The following TMEM230 variants were observed in gnomAD, a reference collection of about 807,000 sequenced individuals.
TMEM230 encodes the protein transmembrane protein 230.
TMEM230 carries 10 observed loss-of-function variants against 15.8 expected under a neutral mutation model. That is an observed-to-expected ratio of 0.63 (90% CI 0.39 to 1.07). The LOEUF is 1.07. Ranked by LOEUF, TMEM230 falls within the 50% of genes least tolerant of loss-of-function variation. The probability of loss-of-function intolerance (pLI) is 0.01; values close to 1 mark genes in which losing one functional copy is unlikely to be tolerated. For synonymous variants in TMEM230, 67 were observed against 76.9 expected (o/e 0.87, Z 0.68); for missense variants, 165 against 193.3 (o/e 0.85, Z 0.87).
At position 5,100,450 on chromosome 20, in the gene TMEM230, C is replaced by T. The variant is rs2089809028; in HGVS notation, c.*341G>A. 2.0e-6 allele frequency: 2 copies of T among 1,024,574 alleles called. No individual in the cohort carries two copies. Among genetic ancestry groups the T allele is most frequent in the Non-Finnish European group, 2.3e-6 (2 of 853,678 alleles). 63.5% of individuals were successfully genotyped at this position (1,024,574 alleles called of 1,614,324 possible). On this transcript the variant is annotated 3_prime_UTR_variant, in exon 5 of 5. Coordinates refer to ENST00000342308, the MANE Select transcript of TMEM230 (RefSeq NM_001009923.2). ...CCATACCACATTGTTCCATTTGCTA[C>T]AAGAACAAATTGGCAATGAAGACTA...
rs1363205993 is a variant in TMEM230 at position 5,113,022 on chromosome 20, G to A, written c.7C>T (p.Pro3Ser). 1.9e-6 allele frequency: 3 copies of A among 1,548,444 alleles called. No individual in the cohort carries two copies. Among genetic ancestry groups the A allele is most frequent in the East Asian group, 2.4e-5 (1 of 40,972 alleles). The change falls in exon 1 of 5, where the codon CCT (proline) becomes TCT (serine). Residue 3 changes from proline (P) to serine (S), a missense_variant. Coordinates refer to ENST00000342308, the MANE Select transcript of TMEM230 (RefSeq NM_001009923.2). ...TCGCCCACGGTTGGCAGCGCCCAAG[G>A]TTGCATGGCATGGCCCGCTTAAGTG...
intron 3 of TMEM230, among the ~76,000 whole-genome samples, chr20:5,090,247 C>G (rs1272320931): frequency 6.6e-6 from 1 of 152,140 alleles, no homozygotes; most frequent in African/African-American, 2.4e-5. Flanking sequence ...ACATGAGTTT[C>G]CAGACTGAAA....
intron 3 of TMEM230, among the ~76,000 whole-genome samples, chr20:5,083,905 T>C (rs1406358914): frequency 6.6e-6 from 1 of 152,246 alleles, no homozygotes; most frequent in Non-Finnish European, 1.5e-5. Context: ...GTTTGTTACG[T>C]GGGTAAATTA....
intron 3 of TMEM230, among the ~76,000 whole-genome samples, chr20:5,090,504 G>C (rs1374597841): frequency 6.6e-6 from 1 of 152,200 alleles, no homozygotes; most frequent in Non-Finnish European, 1.5e-5. Context: ...TTTATGGAGA[G>C]AGTTCTTTCA....
At chr20:5,082,208 T>C (rs1372651053) in intron 3 of TMEM230, among the ~76,000 whole-genome samples, 1 of 143,540 alleles carries the variant, frequency 7.0e-6, no homozygotes, top group East Asian at 2.3e-4. Flanking sequence ...AAGAAGAAAA[T>C]GGGAAAGCCT....
intron 1 of TMEM230, chr20:5,111,712 A>G (rs1420417360): frequency 1.2e-6 from 1 of 861,714 alleles, no homozygotes; most frequent in Non-Finnish European, 1.4e-6. Flanking sequence ...CTGGGATGGC[A>G]TTTTTAAAAT....
chr20:5,087,677 T>C (rs1219841117), intron 3 of TMEM230, among the ~76,000 whole-genome samples: 1 of 141,876 alleles, frequency 7.0e-6, no homozygotes, highest in African/African-American at 2.6e-5. Context: ...ATCTGGTAAA[T>C]AGGCCAAAGA....
intron 3 of TMEM230, among the ~76,000 whole-genome samples, chr20:5,090,010 C>T (rs1270247823): frequency 6.6e-6 from 1 of 150,902 alleles, no homozygotes; most frequent in Non-Finnish European, 1.5e-5. Context: ...AAGACTCCAT[C>T]TCAAAAAAGA....
downstream of TMEM230, among the ~76,000 whole-genome samples, chr20:5,097,096 C>A (rs539050035): frequency 4.7e-4 from 72 of 152,278 alleles, no homozygotes; most frequent in South Asian, 5.2e-3. Flanking sequence ...ACGAAAAGAA[C>A]TTGGGGATAG....
In TMEM230 at chr20:5,106,183, C is replaced by T. The variant is rs1285204106; in HGVS notation, c.411+5G>A. The T allele has an allele frequency of 6.2e-7, 1 of 1,605,266 alleles. No homozygotes were observed. The highest frequency in any genetic ancestry group is 1.7e-5 in the Admixed American group (1 of 57,370). On this transcript the variant is annotated splice_donor_5th_base_variant and intron_variant, in intron 4 of 4. Coordinates refer to ENST00000342308, the MANE Select transcript of TMEM230 (RefSeq NM_001009923.2). ...CAACTTATTCCCACATGCCCGTCAG[C>T]TTACCCCTTTGCTGATGTAGCCTGA...
intron 3 of TMEM230, among the ~76,000 whole-genome samples, chr20:5,072,516 GC>G (rs111487142): frequency 0.023 from 3,429 of 151,676 alleles, 126 homozygotes; most frequent in African/African-American, 0.078. Flanking sequence ...TTCCTTTTTG[GC>G]CGTGAGACTA....
chr20:5,106,068 G>A, intron 4 of TMEM230, 120 bp downstream of exon 3: 1 of 1,366,216 alleles, frequency 7.3e-7, no homozygotes, highest in Non-Finnish European at 9.5e-7. Flanking sequence ...ACAGACCACT[G>A]GGACGGACAA....
At position 5,085,283 on chromosome 20, in the gene TMEM230, GTTTTTCTT is replaced by G. The variant is rs1363021262; in HGVS notation, c.223-15942_223-15935del. Among the ~76,000 whole-genome samples the G allele has an allele frequency of 4.1e-4, 61 of 150,360 alleles. 1 individual carries two copies. In the Middle Eastern group the frequency reaches 0.017, roughly 42 times the overall value. On this transcript the variant is annotated intron_variant, in intron 3 of 3. Transcript: ENST00000612323. ...TTTTCATGCTCCTGAATCTTTTTTT[GTTTTTCTT>G]TTTTTCTTTTTTTTTGAGACAGAGT...
chr20:5,082,922 GTTT>G (rs140284230), intron 3 of TMEM230, among the ~76,000 whole-genome samples: 3 of 127,254 alleles, frequency 2.4e-5, no homozygotes, highest in African/African-American at 5.9e-5. Context: ...TCTTCATATT[GTTT>G]TTTTTTTTTT....
At chr20:5,071,412 G>A (rs1042434043) in intron 3 of TMEM230, among the ~76,000 whole-genome samples, 2 of 151,922 alleles carry the variant, frequency 1.3e-5, no homozygotes, top group African/African-American at 4.8e-5. Context: ...ATCACCTCAG[G>A]TCAGGAATTC....
intron 3 of TMEM230, among the ~76,000 whole-genome samples, chr20:5,094,728 A>AAAAT (rs1568493189): frequency 1.3e-5 from 2 of 149,222 alleles, no homozygotes; most frequent in East Asian, 3.9e-4. Flanking sequence ...AAAAAAAAAA[A>AAAAT]TTTGTACATC....
downstream of TMEM230, among the ~76,000 whole-genome samples, chr20:5,065,024 C>G (rs1405009766): frequency 1.3e-5 from 2 of 151,610 alleles, no homozygotes; most frequent in Non-Finnish European, 2.9e-5. Context: ...AAACAAAAAC[C>G]AAAAAGATAT....
At chr20:5,071,633 A>AG (rs1220516345) in intron 3 of TMEM230, among the ~76,000 whole-genome samples, 1 of 13,104 alleles carries the variant, frequency 7.6e-5, no homozygotes, top group African/African-American at 9.4e-5. Flanking sequence ...CAAAAAAAAA[A>AG]AAAAACAAAA....
At chr20:5,064,881 A>C (rs1161741552), downstream of TMEM230, among the ~76,000 whole-genome samples, 2 of 151,926 alleles carry the variant, frequency 1.3e-5, no homozygotes, top group African/African-American at 4.8e-5. Flanking sequence ...GATTAAAAAA[A>C]TACCAGGGGC....
Sources: allele counts gnomAD v4.1 joint callset (sites outside exome capture counted in the v4.1 genomes callset), GRCh38; gene constraint gnomAD v4.1.1; transcripts MANE v1.5; gene names NCBI Gene and HGNC (gene_info 2026-07-23, HGNC 2026-07-21).